Variants in RASSF3 observed in about 807,000 individuals in gnomAD.
RASSF3 encodes the protein Ras association domain family member 3.
In RASSF3, 19 loss-of-function variants were observed where a neutral mutation model predicts 19.9. The observed-to-expected ratio is 0.96, with a 90% CI of 0.67 to 1.40. RASSF3 has a LOEUF of 1.40. Among genes scored for constraint, RASSF3 ranks in the 40% most tolerant of loss-of-function variants. The pLI, the probability that RASSF3 is intolerant of heterozygous loss-of-function variation, is 0.00. For missense variants in RASSF3, 306 were observed against 289.8 expected (o/e 1.06, Z -0.41); for synonymous variants, 110 against 104.2 (o/e 1.06, Z -0.34).
intron 2 of RASSF3, among the ~76,000 whole-genome samples, chr12:64,560,573 C>T (rs1298624661): frequency 6.6e-6 from 1 of 152,234 alleles, no homozygotes; most frequent in Non-Finnish European, 1.5e-5. Context: ...TGCACCACCA[C>T]ATTGTGCGAG....
chr12:64,669,595 C>G (rs1456181255), intron 1 of RASSF3, among the ~76,000 whole-genome samples: 3 of 152,028 alleles, frequency 2.0e-5, no homozygotes, highest in Non-Finnish European at 2.9e-5. Flanking sequence ...TTTCTTTTCT[C>G]TGCTTCACAT....
At chr12:64,618,911 A>C (rs2136160763) in intron 1 of RASSF3, among the ~76,000 whole-genome samples, 1 of 152,230 alleles carries the variant, frequency 6.6e-6, no homozygotes, top group African/African-American at 2.4e-5. Context: ...TGTACCCTAA[A>C]ACTTAAAGTA....
intron 1 of RASSF3, among the ~76,000 whole-genome samples, chr12:64,510,002 GCTTGAAACTGGGAGGCA>G (rs2136097219): frequency 6.6e-6 from 1 of 151,530 alleles, no homozygotes; most frequent in South Asian, 2.1e-4. Flanking sequence ...CAGGAGAATT[GCTTGAAACTGGGAGGCA>G]GAGGTTGCAG....
intron 1 of RASSF3, among the ~76,000 whole-genome samples, chr12:64,526,087 TATTCATACTG>T (rs1406221237): frequency 2.0e-5 from 3 of 152,164 alleles, no homozygotes; most frequent in Non-Finnish European, 4.4e-5. Flanking sequence ...CTGGGGTGAT[TATTCATACTG>T]CTTTCCCACA....
At chr12:64,516,200 T>C (rs1019576927) in intron 1 of RASSF3, among the ~76,000 whole-genome samples, 3 of 152,208 alleles carry the variant, frequency 2.0e-5, no homozygotes, top group African/African-American at 7.2e-5. Flanking sequence ...ATGTCTGATA[T>C]ATTGCCATTA....
chr12:64,639,192 A>C (rs1871426304), intron 1 of RASSF3, among the ~76,000 whole-genome samples: 1 of 152,152 alleles, frequency 6.6e-6, no homozygotes. Flanking sequence ...CTTGTGGTTT[A>C]GGGGGTAAAT....
At chr12:64,660,098 G>A (rs1296035451) in intron 1 of RASSF3, among the ~76,000 whole-genome samples, 4 of 144,370 alleles carry the variant, frequency 2.8e-5, no homozygotes, top group East Asian at 2.0e-4. Flanking sequence ...ACACATACAC[G>A]CACACATATG....
At chr12:64,661,504 G>T (rs1316973866) in intron 1 of RASSF3, among the ~76,000 whole-genome samples, 1 of 151,826 alleles carries the variant, frequency 6.6e-6, no homozygotes, top group African/African-American at 2.4e-5. Flanking sequence ...GGCGCAGGGG[G>T]TTCTTTCCAT....
chr12:64,549,005 A>T (rs994631168), intron 2 of RASSF3, among the ~76,000 whole-genome samples: 2 of 152,142 alleles, frequency 1.3e-5, no homozygotes, highest in Non-Finnish European at 2.9e-5. Flanking sequence ...TCCTTTCCCA[A>T]GTGGGAAAGG....
chr12:64,599,760 C>T (rs1461885989), intron 2 of RASSF3, among the ~76,000 whole-genome samples: 1 of 152,036 alleles, frequency 6.6e-6, no homozygotes, highest in African/African-American at 2.4e-5. Context: ...AAGCCGGGCG[C>T]GGTGGCTCAC....
At chr12:64,571,188 G>A (rs1279733690) in intron 2 of RASSF3, among the ~76,000 whole-genome samples, 1 of 151,902 alleles carries the variant, frequency 6.6e-6, no homozygotes, top group Non-Finnish European at 1.5e-5. Context: ...TCCAACCTGG[G>A]CAACAAGAGC....
intron 1 of RASSF3, among the ~76,000 whole-genome samples, chr12:64,659,840 C>T (rs1872280846): frequency 1.3e-5 from 2 of 151,582 alleles, no homozygotes; most frequent in African/African-American, 2.4e-5. Flanking sequence ...CCCAGCTAGT[C>T]GGGAGGCTGA....
At chr12:64,567,282 T>C (rs1592403040) in intron 2 of RASSF3, among the ~76,000 whole-genome samples, 1 of 152,212 alleles carries the variant, frequency 6.6e-6, no homozygotes, top group Admixed American at 6.5e-5. Context: ...GCAACTCTCT[T>C]ACCTGAACAA....
At chr12:64,611,984 C>T (rs559643636) in intron 1 of RASSF3, among the ~76,000 whole-genome samples, 2 of 152,262 alleles carry the variant, frequency 1.3e-5, no homozygotes, top group East Asian at 3.9e-4. Flanking sequence ...TCTCAAGTCC[C>T]GGTGCCATAG....
At position 64,670,044 on chromosome 12, in the gene RASSF3, T is replaced by C. The variant is rs181235101; in HGVS notation, c.112-14743T>C. On this transcript the variant is annotated intron_variant, in intron 1 of 4. Transcript: ENST00000542104. ...GGCAGTATCAGTTTTTTTTTTTTAA[T>C]GGATAGAGAAGCTTTTTTATTTTAC... is the stretch of plus-strand genomic sequence containing the variant. Among the ~76,000 whole-genome samples, 419 of 151,532 alleles carry C rather than the reference T, an allele frequency of 2.8e-3. 1 individual carries two copies. The highest frequency in any genetic ancestry group is 9.7e-3 in the African/African-American group (400 of 41,278).
intron 1 of RASSF3, among the ~76,000 whole-genome samples, chr12:64,520,732 G>A (rs768283514): frequency 9.5e-5 from 14 of 146,662 alleles, no homozygotes; most frequent in Non-Finnish European, 1.8e-4. Flanking sequence ...ATGGAAAGAA[G>A]GACATTGGAA....
intron 1 of RASSF3, among the ~76,000 whole-genome samples, chr12:64,518,389 A>G (rs1392668415): frequency 6.6e-6 from 1 of 152,246 alleles, no homozygotes; most frequent in Non-Finnish European, 1.5e-5. Flanking sequence ...GAAGGCCAGG[A>G]AGCTTCCAGT....
chr12:64,566,175 T>G (rs1413479142), intron 2 of RASSF3, among the ~76,000 whole-genome samples: 1 of 152,178 alleles, frequency 6.6e-6, no homozygotes, highest in Non-Finnish European at 1.5e-5. Context: ...CACTCCAGCC[T>G]GGGAGACAGA....
At chr12:64,679,561 G>A (rs1018168963) in intron 1 of RASSF3, among the ~76,000 whole-genome samples, 1 of 152,130 alleles carries the variant, frequency 6.6e-6, no homozygotes, top group Non-Finnish European at 1.5e-5. Context: ...CACTTCTTGA[G>A]TAGAGCCTGG....
Sources: gnomAD v4.1 joint callset for allele counts (sites outside exome capture counted in the v4.1 genomes callset) on GRCh38, gnomAD v4.1.1 for gene constraint, MANE v1.5 for transcripts, NCBI Gene and HGNC (gene_info 2026-07-23, HGNC 2026-07-21) for gene names.